Variants in EPB41L2 observed in about 807,000 individuals in gnomAD.
EPB41L2 encodes band 4.1-like protein 2.
Under a neutral mutation model 113.0 loss-of-function variants are expected in EPB41L2, and 43 were observed. The ratio of observed to expected loss-of-function variants is 0.38; its 90% CI spans 0.30 to 0.49. EPB41L2 has a LOEUF of 0.49. Among genes scored for constraint, EPB41L2 ranks in the 20% least tolerant of loss-of-function variants. The probability of loss-of-function intolerance (pLI) is 0.95; values close to 1 mark genes in which losing one functional copy is unlikely to be tolerated. For synonymous variants in EPB41L2, 442 were observed against 436.7 expected (o/e 1.01, Z -0.15); for missense variants, 1,147 against 1,223.4 (o/e 0.94, Z 0.93).
chr6:130,914,400 T>G (rs1323670583), intron 4 of EPB41L2, among the ~76,000 whole-genome samples: 1 of 152,192 alleles, frequency 6.6e-6, no homozygotes, highest in Non-Finnish European at 1.5e-5. Context: ...AATCAGACTT[T>G]CGGTTCACAA....
rs1253186881 is a variant in EPB41L2, at chr6:131,003,303, T to C, written c.-14-46804A>G. ...ATGTAGCATACAAAGATAAAAACGATATAATTTTAACAGTGAAGGTGGAAA... is the reference window on the plus strand; with the variant it reads ...ATGTAGCATACAAAGATAAAAACGACATAATTTTAACAGTGAAGGTGGAAA... On this transcript the variant is annotated intron_variant, in intron 1 of 19. Coordinates refer to ENST00000337057, the MANE Select transcript of EPB41L2 (RefSeq NM_001431.4). Among the ~76,000 whole-genome samples the C allele has an allele frequency of 3.9e-5, 6 of 152,200 alleles. No homozygotes were observed. In the South Asian group the frequency reaches 8.3e-4, roughly 21 times the overall value.
chr6:130,899,695 T>C, intron 7 of EPB41L2, 117 bp from the exon 8 acceptor site: 2 of 896,408 alleles, frequency 2.2e-6, no homozygotes, highest in Non-Finnish European at 3.5e-6. Context: ...CCAGCCAAGT[T>C]TGCAGAAAAG....
Position 130,895,099 on chromosome 6 carries a change from G to A in EPB41L2, c.1257C>T (p.Ile419=). The change falls in exon 9 of 20, where the codon ATC becomes ATT. Residue 419 remains isoleucine, a synonymous_variant. Transcript: ENST00000337057. ...HHAKDSEGVD[I]KLGVCANGLL... ...GTCCATTAGCACACACGCCCAGCTT[G>A]ATGTCCACACCTTCTGAGTCCTGCC... 6.2e-7 allele frequency: 1 copy of A among 1,611,710 alleles called. No homozygotes were observed. The highest frequency in any genetic ancestry group is 8.5e-7 in the Non-Finnish European group (1 of 1,178,584).
chr6:130,917,429 A>G (rs1801465378), intron 4 of EPB41L2, among the ~76,000 whole-genome samples: 1 of 152,130 alleles, frequency 6.6e-6, no homozygotes, highest in African/African-American at 2.4e-5. Context: ...ATTACCCTTG[A>G]TATCTGATGG....
At chr6:131,019,582 TA>T (rs1376891915) in intron 1 of EPB41L2, among the ~76,000 whole-genome samples, 3 of 152,212 alleles carry the variant, frequency 2.0e-5, no homozygotes, top group Non-Finnish European at 4.4e-5. Context: ...ACTGCATTCC[TA>T]AATTAGTTAG....
chr6:130,915,821 T>TC (rs1428465541), intron 4 of EPB41L2, among the ~76,000 whole-genome samples: 6 of 152,150 alleles, frequency 3.9e-5, no homozygotes, highest in Admixed American at 6.5e-5. Flanking sequence ...ACAAGCTCTC[T>TC]CTCTCTGCCT....
chr6:131,045,618 C>T (rs867074068), intron 1 of EPB41L2, among the ~76,000 whole-genome samples: 51 of 152,236 alleles, frequency 3.4e-4, no homozygotes, highest in Middle Eastern at 3.4e-3. Flanking sequence ...CAAAACATGT[C>T]AGGAGAGACT....
intron 1 of EPB41L2, among the ~76,000 whole-genome samples, chr6:130,982,012 T>C (rs946600229): frequency 6.6e-6 from 1 of 152,008 alleles, no homozygotes; most frequent in African/African-American, 2.4e-5. Context: ...ATTTTAAAAG[T>C]TTTGATGATT....
At chr6:131,040,629 C>T (rs951082675) in intron 1 of EPB41L2, among the ~76,000 whole-genome samples, 4 of 152,164 alleles carry the variant, frequency 2.6e-5, no homozygotes, top group African/African-American at 9.7e-5. Context: ...CAACATCTCA[C>T]TCCTCCCAGA....
At chr6:130,905,529 C>A (rs988006794) in intron 5 of EPB41L2, among the ~76,000 whole-genome samples, 3 of 151,882 alleles carry the variant, frequency 2.0e-5, no homozygotes, top group Non-Finnish European at 4.4e-5. Context: ...AGTGATCCTC[C>A]CATCCTAGCC....
chr6:131,021,966 A>C (rs1306352378), intron 1 of EPB41L2, among the ~76,000 whole-genome samples: 3 of 152,108 alleles, frequency 2.0e-5, no homozygotes, highest in East Asian at 3.9e-4. Flanking sequence ...TGGTTTTGGG[A>C]TGCTTCAAGT....
At chr6:130,981,911 T>G (rs1175221236) in intron 1 of EPB41L2, among the ~76,000 whole-genome samples, 2 of 152,158 alleles carry the variant, frequency 1.3e-5, no homozygotes, top group African/African-American at 4.8e-5. Context: ...AGATATACAT[T>G]TTTAAAATTA....
At position 130,874,261 on chromosome 6, in the gene EPB41L2, A is replaced by AT. The variant is rs574814492; in HGVS notation, c.2043+3842dup. Among the ~76,000 whole-genome samples the AT allele has an allele frequency of 8.5e-4, 125 of 147,524 alleles. No homozygotes were observed. In the Middle Eastern group the frequency reaches 0.011, roughly 13 times the overall value. Reference sequence around the variant, plus strand: ...TACAGCCACTTTGAAAATGCAATGTATTTTTTTTTTTTAAAAAGAAACTAT... The same window carrying AT: ...TACAGCCACTTTGAAAATGCAATGTATTTTTTTTTTTTTAAAAAGAAACTAT... On this transcript the variant is annotated intron_variant, in intron 14 of 19. Coordinates refer to ENST00000337057, the MANE Select transcript of EPB41L2 (RefSeq NM_001431.4).
chr6:130,998,226 T>C (rs1783587713), intron 1 of EPB41L2, among the ~76,000 whole-genome samples: 1 of 152,216 alleles, frequency 6.6e-6, no homozygotes, highest in South Asian at 2.1e-4. Flanking sequence ...TATGAGACTT[T>C]GACTTTCTTT....
At chr6:130,878,412 ATGAG>A (rs1189395834) in intron 13 of EPB41L2, 162 bp from the exon 14 acceptor site, 2 of 693,694 alleles carry the variant, frequency 2.9e-6, no homozygotes, top group African/African-American at 3.7e-5. Flanking sequence ...ATTATTATCT[ATGAG>A]TAAGTTCATG....
chr6:130,869,417 T>C (rs1026016547), intron 15 of EPB41L2, 146 bp downstream of exon 15: 83 of 777,564 alleles, frequency 1.1e-4, no homozygotes, highest in Non-Finnish European at 1.6e-4. Flanking sequence ...CACAAAGCAG[T>C]GCTTCCCCCT....
At chr6:131,057,038 T>C (rs1797733541) in intron 1 of EPB41L2, among the ~76,000 whole-genome samples, 1 of 151,612 alleles carries the variant, frequency 6.6e-6, no homozygotes, top group Non-Finnish European at 1.5e-5. Flanking sequence ...GGAGAATAAA[T>C]GATGAAAAGT....
intron 3 of EPB41L2, among the ~76,000 whole-genome samples, chr6:130,953,097 T>C (rs930422778): frequency 1.3e-5 from 2 of 150,944 alleles, no homozygotes; most frequent in Non-Finnish European, 2.9e-5. Context: ...GTTGAGCAAA[T>C]GACTTAAGGT....
intron 1 of EPB41L2, among the ~76,000 whole-genome samples, chr6:131,056,801 G>A (rs1427784383): frequency 6.6e-6 from 1 of 152,234 alleles, no homozygotes; most frequent in African/African-American, 2.4e-5. Context: ...AATGGCATAT[G>A]TGGCAGTCTA....
Sources: allele counts gnomAD v4.1 joint callset (sites outside exome capture counted in the v4.1 genomes callset), GRCh38; gene constraint gnomAD v4.1.1; transcripts MANE v1.5; gene names NCBI Gene and HGNC (gene_info 2026-07-23, HGNC 2026-07-21).